The following ULK1 variants were observed in gnomAD, a reference collection of about 807,000 sequenced individuals.
The protein encoded by ULK1 is unc-51 like autophagy activating kinase 1.
Under a neutral mutation model 117.5 loss-of-function variants are expected in ULK1, and 48 were observed. That is an observed-to-expected ratio of 0.41 (90% CI 0.32 to 0.52). The LOEUF (loss-of-function observed/expected upper bound fraction) is 0.52, where lower values mean the gene tolerates loss of function less well. Ranked by LOEUF, ULK1 falls within the 20% of genes least tolerant of loss-of-function variation. The pLI, the probability that ULK1 is intolerant of heterozygous loss-of-function variation, is 0.29. For missense variants in ULK1, 1,387 were observed against 1,473.4 expected (o/e 0.94, Z 0.96); for synonymous variants, 790 against 637.8 (o/e 1.24, Z -3.60).
intron 7 of ULK1, 30 bp from the exon 8 acceptor site, chr12:131,909,106 C>T: frequency 6.2e-7 from 1 of 1,600,570 alleles, no homozygotes; most frequent in Non-Finnish European, 8.5e-7. Flanking sequence ...GTGCGGGGGC[C>T]TCACACTGAC....
In ULK1 at chr12:131,917,392, C is replaced by A; in HGVS notation, c.2183-19C>A. On this transcript the variant is annotated intron_variant, in intron 21 of 27. Coordinates refer to ENST00000321867, the MANE Select transcript of ULK1 (RefSeq NM_003565.4). ...CGGCGGGAGTCAGGATGCTCCTGAG[C>A]CCTTCCTTGCTCTCCCAGCACCCTC... 6.8e-7 allele frequency: 1 copy of A among 1,468,910 alleles called. No homozygotes were observed. The allele number at this position is 1,468,910 out of a possible 1,614,324, so 91.0% of individuals were successfully genotyped here.
chr12:131,914,323 G>A, intron 15 of ULK1, 29 bp from the exon 16 acceptor site: 1 of 1,603,972 alleles, frequency 6.2e-7, no homozygotes, highest in Non-Finnish European at 8.5e-7. Context: ...CCCAGTGTCT[G>A]TCATGATCCT....
chr12:131,911,235 G>A (rs569996349), intron 12 of ULK1, among the ~76,000 whole-genome samples: 4 of 152,292 alleles, frequency 2.6e-5, no homozygotes, highest in South Asian at 2.1e-4. Context: ...ATGAACCCCC[G>A]TCCCTCTGTC....
At chr12:131,919,879 G>T in intron 25 of ULK1, 100 bp from the exon 26 acceptor site, 1 of 1,486,646 alleles carries the variant, frequency 6.7e-7, no homozygotes, top group Non-Finnish European at 9.1e-7. Flanking sequence ...GTGGCAGGGA[G>T]GGAGGGACGT....
rs117908448 is a variant in ULK1 at position 131,921,275 on chromosome 12, G to A, written c.3098-31G>A. On this transcript the variant is annotated intron_variant, in intron 27 of 27. Coordinates refer to ENST00000321867, the MANE Select transcript of ULK1 (RefSeq NM_003565.4). ...GGGCTGGGGGCTGGGGACTCTGGGC[G>A]TCTCCCTCACACTCCCCTCTCCCTC... 15,741 of 1,608,048 alleles carry A rather than the reference G, an allele frequency of 9.8e-3. 508 individuals are homozygous for A. The highest frequency in any genetic ancestry group is 0.089 in the South Asian group (8,099 of 91,074).
rs557966310 is a variant in ULK1 at position 131,919,751 on chromosome 12, T to G, written c.2803+161T>G. 24 of 1,039,862 alleles carry G rather than the reference T, an allele frequency of 2.3e-5. 1 individual carries two copies. The Admixed American group carries it at 4.9e-4, about 21-fold the overall frequency. 64.4% of individuals were successfully genotyped at this position (1,039,862 alleles called of 1,614,324 possible). On this transcript the variant is annotated intron_variant, in intron 25 of 27. Transcript: ENST00000321867. Reference sequence around the variant, plus strand: ...CCAGTGTGCAGAGCACAGAGGCCATTGGGTCGGACAGCACCCTGGAGCCCA... The same window carrying G: ...CCAGTGTGCAGAGCACAGAGGCCATGGGGTCGGACAGCACCCTGGAGCCCA...
intron 19 of ULK1, 57 bp downstream of exon 19, chr12:131,916,216 ATGGC>A: frequency 6.3e-7 from 1 of 1,584,810 alleles, no homozygotes; most frequent in Non-Finnish European, 8.6e-7. Flanking sequence ...ATGTGTGGGA[ATGGC>A]CAGTCCTGAA....
Position 131,915,989 on chromosome 12 carries a change from C to T in ULK1, c.1708C>T (p.Leu570=). The T allele has an allele frequency of 6.2e-7, 1 of 1,612,488 alleles. No homozygotes were observed. The highest frequency in any genetic ancestry group is 8.5e-7 in the Non-Finnish European group (1 of 1,179,816). Residue 570 remains leucine (L), a synonymous_variant, in exon 19 of 28, where the codon CTG becomes TTG. Transcript: ENST00000321867. The part of the protein sequence containing the change: ...LSDLHVVRPK[L]PKPPTDPLGA... ...TGACTTGCACGTCGTCCGCCCCAAG[C>T]TGCCCAAACCCCCCACGGACCCCCT...
chr12:131,907,557 G>T, intron 5 of ULK1, 26 bp downstream of exon 5: 1 of 1,603,010 alleles, frequency 6.2e-7, no homozygotes. Context: ...CGCCACCTGG[G>T]CTGCCAGCCG....
At position 131,920,104 on chromosome 12, in the gene ULK1, G is replaced by C. The variant is rs751868497; in HGVS notation, c.2929G>C (p.Glu977Gln). Residue 977 changes from glutamate to glutamine, a missense_variant, in exon 26 of 28, where the codon GAG (glutamate) becomes CAG (glutamine). By Grantham distance (29) the Glu-to-Gln change is conservative (BLOSUM62 2). Coordinates refer to ENST00000321867, the MANE Select transcript of ULK1 (RefSeq NM_003565.4). ...GGACCGCATTCACAGCATCACTGCC[G>C]AGAGGCTCATCTTCAGCCACGCTGT... ...LLDRIHSITA[E>Q]RLIFSHAVQM... is the part of the protein sequence containing the mutation. The C allele has an allele frequency of 1.2e-6, 2 of 1,612,688 alleles. No individual in the cohort carries two copies. The highest frequency in any genetic ancestry group is 2.7e-5 in the African/African-American group (2 of 74,936).
chr12:131,909,689 C>G (rs1889440733), intron 8 of ULK1, 86 bp from the exon 9 acceptor site: 1 of 1,369,934 alleles, frequency 7.3e-7, no homozygotes, highest in African/African-American at 1.5e-5. Flanking sequence ...GGGGCAGGGG[C>G]CGACTGGGGA....
In ULK1 at chr12:131,920,964, C is replaced by T; in HGVS notation, c.2962-136C>T. The T allele has an allele frequency of 4.0e-6, 5 of 1,253,466 alleles. No individual in the cohort carries two copies. In the African/African-American group the frequency reaches 6.0e-5, roughly 15 times the overall value. The allele number at this position is 1,253,466 out of a possible 1,614,324, so 77.6% of individuals were successfully genotyped here. On this transcript the variant is annotated intron_variant, in intron 26 of 27. Transcript: ENST00000321867. ...CATCCCCTCTGCACAGCAGGCTGCA[C>T]CAGCACTTATGTCTCCACGTCACTG... is the stretch of plus-strand genomic sequence containing the variant.
At chr12:131,920,268 G>GACAGCATTATGCACCC in intron 26 of ULK1, 132 bp downstream of exon 26, 1 of 1,244,682 alleles carries the variant, frequency 8.0e-7, no homozygotes, top group Non-Finnish European at 1.1e-6. Flanking sequence ...GTCTTGAAAT[G>GACAGCATTATGCACCC]ACAGCATTAT....
intron 20 of ULK1, 115 bp from the exon 21 acceptor site, chr12:131,916,838 C>A: frequency 9.5e-7 from 1 of 1,058,134 alleles, no homozygotes; most frequent in Non-Finnish European, 1.3e-6. Flanking sequence ...GCCTGCCTCT[C>A]GAGGTGGGCC....
chr12:131,921,084 C>G lies in ULK1; in HGVS notation c.2962-16C>G, dbSNP rs766068976. 3 of 1,577,620 alleles carry G rather than the reference C, an allele frequency of 1.9e-6. No individual in the cohort carries two copies. Among genetic ancestry groups the G allele is most frequent in the Non-Finnish European group, 2.6e-6 (3 of 1,165,546 alleles). On this transcript the variant is annotated splice_polypyrimidine_tract_variant and intron_variant, in intron 26 of 27. Transcript: ENST00000321867. The stretch of plus-strand genomic sequence containing the variant: ...GGGGTGAGCTGGCCCTGTCCAGCCT[C>G]TGTCCTCGCCCCCAGGTGCAGTCGG...
chr12:131,917,654 C>A (rs568408889), intron 22 of ULK1, 100 bp downstream of exon 22: 9 of 1,189,772 alleles, frequency 7.6e-6, no homozygotes, highest in Non-Finnish European at 9.6e-6. Context: ...ACTACAGCCC[C>A]CCAGAGCCCA....
chr12:131,895,656 C>T lies in ULK1; in HGVS notation c.167C>T (p.Ser56Phe). 6.2e-7 allele frequency: 1 copy of T among 1,614,142 alleles called. No homozygotes were observed. The highest frequency in any genetic ancestry group is 8.5e-7 in the Non-Finnish European group (1 of 1,180,004). ...ATTAACAAGAAGAACCTCGCCAAGT[C>T]TCAGACGCTGCTGGGGAAGGAAATC... is the stretch of plus-strand genomic sequence containing the variant. ...KCINKKNLAK[S>F]QTLLGKEIKI... The change falls in exon 2 of 28, where the codon TCT becomes TTT. Residue 56 changes from serine (S) to phenylalanine (F), a missense_variant. By Grantham distance (155) the Ser-to-Phe change is radical. Around this residue, in one of 4 missense-constraint regions of ULK1, gnomAD observed 224 missense variants for 325.2 expected, o/e 0.69. Transcript: ENST00000321867.
chr12:131,894,946 G>C lies in ULK1; in HGVS notation c.-56G>C. ...CGCCCCGGCCCGCGCCTCCGCCTGA[G>C]TCCCCCGCGCCTTGGCCCGCCACCC... On this transcript the variant is annotated 5_prime_UTR_variant, in exon 1 of 28. Transcript: ENST00000321867. 1 of 566,512 alleles carries C rather than the reference G, an allele frequency of 1.8e-6. No homozygotes were observed. Among genetic ancestry groups the C allele is most frequent in the Non-Finnish European group, 2.2e-6 (1 of 445,908 alleles). 35.1% of individuals were successfully genotyped at this position (566,512 alleles called of 1,614,324 possible).
chr12:131,906,597 C>T (rs1457206017), intron 3 of ULK1: 2 of 484,980 alleles, frequency 4.1e-6, no homozygotes, highest in Non-Finnish European at 7.5e-6. Flanking sequence ...CCTGCCCACA[C>T]ACCTGGCCTT....
Sources: allele counts gnomAD v4.1 joint callset (sites outside exome capture counted in the v4.1 genomes callset), GRCh38; gene constraint gnomAD v4.1.1; regional missense constraint gnomAD v4.1.1; transcripts MANE v1.5; gene names NCBI Gene and HGNC (gene_info 2026-07-23, HGNC 2026-07-21).